SDK1: variants seen among roughly 807,000 people sequenced by gnomAD.
SDK1 encodes sidekick cell adhesion molecule 1, also known as protein sidekick-1.
A neutral mutation model predicts 245.5 loss-of-function variants in SDK1; 157 were observed. The observed-to-expected ratio is 0.64, with a 90% CI of 0.56 to 0.73. The LOEUF (loss-of-function observed/expected upper bound fraction) is 0.73, where lower values mean the gene tolerates loss of function less well. Ranked by LOEUF, SDK1 falls within the 30% of genes least tolerant of loss-of-function variation. The pLI, the probability that SDK1 is intolerant of heterozygous loss-of-function variation, is 0.00. For missense variants in SDK1, 3,583 were observed against 3,002.3 expected (o/e 1.19, Z -4.52); for synonymous variants, 1,647 against 1,278.5 (o/e 1.29, Z -6.15).
chr7:4,233,152 A>C, intron 40 of SDK1, 103 bp from the exon 41 acceptor site: 3 of 1,125,270 alleles, frequency 2.7e-6, no homozygotes, highest in Non-Finnish European at 3.9e-6. Context: ...CTGATGCCTC[A>C]TCCAGGGCTG....
chr7:3,856,581 A>C (rs1363188161), intron 5 of SDK1, among the ~76,000 whole-genome samples: 2 of 151,654 alleles, frequency 1.3e-5, no homozygotes, highest in Admixed American at 1.3e-4. Context: ...ACCTGAGATC[A>C]GGAGTTCAAG....
chr7:3,859,607 A>G (rs534606178), intron 5 of SDK1, among the ~76,000 whole-genome samples: 2 of 152,234 alleles, frequency 1.3e-5, no homozygotes, highest in African/African-American at 4.8e-5. Context: ...ATCCTGTTAC[A>G]TTATCAACAG....
At chr7:3,967,636 G>A (rs978930845) in intron 10 of SDK1, among the ~76,000 whole-genome samples, 1 of 152,244 alleles carries the variant, frequency 6.6e-6, no homozygotes, top group Non-Finnish European at 1.5e-5. Context: ...ATGGTCTCCA[G>A]TGGGGGCTGA....
At chr7:3,489,989 C>T (rs1583939241) in intron 1 of SDK1, among the ~76,000 whole-genome samples, 1 of 151,942 alleles carries the variant, frequency 6.6e-6, no homozygotes, top group East Asian at 1.9e-4. Context: ...TTTTTTTTCC[C>T]CTCGTGCTTA....
rs533141720 is a variant in SDK1, at chr7:4,086,967, C to G, written c.3324+7383C>G. Among the ~76,000 whole-genome samples, 4 of 151,630 alleles carry G rather than the reference C, an allele frequency of 2.6e-5. No individual in the cohort carries two copies. The South Asian group carries it at 8.3e-4, about 32-fold the overall frequency. On this transcript the variant is annotated intron_variant, in intron 22 of 44. Coordinates refer to ENST00000404826, the MANE Select transcript of SDK1 (RefSeq NM_152744.4). ...AAACTTCCCAGACATTGCCAAATCCCTCTTCTGCAGATGGTAACATGTTGC... is the reference window on the plus strand; with the variant it reads ...AAACTTCCCAGACATTGCCAAATCCGTCTTCTGCAGATGGTAACATGTTGC...
At chr7:3,841,282 C>T (rs530751342) in intron 5 of SDK1, among the ~76,000 whole-genome samples, 7 of 152,264 alleles carry the variant, frequency 4.6e-5, no homozygotes, top group African/African-American at 1.4e-4. Context: ...AGGACAACTT[C>T]GCAGCTGTTT....
At chr7:3,504,182 A>ATGTGTGTGTGTGTG (rs56306302) in intron 1 of SDK1, among the ~76,000 whole-genome samples, 3,079 of 131,886 alleles carry the variant, frequency 0.023, 67 homozygotes, top group East Asian at 0.078. Flanking sequence ...ATATATATAT[A>ATGTGTGTGTGTGTG]TGTGTGTGTG....
intron 1 of SDK1, among the ~76,000 whole-genome samples, chr7:3,586,042 G>T (rs1296802741): frequency 6.6e-6 from 1 of 152,150 alleles, no homozygotes; most frequent in Admixed American, 6.5e-5. Context: ...ACATTGCTGT[G>T]CTAAGTAAAG....
chr7:3,307,574 G>A (rs1195851902), intron 1 of SDK1, among the ~76,000 whole-genome samples: 3 of 152,190 alleles, frequency 2.0e-5, no homozygotes, highest in Non-Finnish European at 4.4e-5. Flanking sequence ...TGCAATTCTA[G>A]TGTTTAGGTG....
At chr7:3,545,797 A>G (rs1779207227) in intron 1 of SDK1, among the ~76,000 whole-genome samples, 1 of 152,230 alleles carries the variant, frequency 6.6e-6, no homozygotes, top group African/African-American at 2.4e-5. Flanking sequence ...TGTCAAGCGA[A>G]AGGGTAATCA....
intron 1 of SDK1, among the ~76,000 whole-genome samples, chr7:3,334,481 A>C (rs776026991): frequency 1.3e-5 from 2 of 151,946 alleles, no homozygotes; most frequent in Non-Finnish European, 2.9e-5. Context: ...AGTGTGAGAA[A>C]GCACAGGCAG....
chr7:4,085,668 C>T (rs1781381328), intron 22 of SDK1, among the ~76,000 whole-genome samples: 1 of 152,178 alleles, frequency 6.6e-6, no homozygotes, highest in Non-Finnish European at 1.5e-5. Flanking sequence ...TATTCTCCTG[C>T]CTCAGCCTCC....
At position 4,012,145 on chromosome 7, in the gene SDK1, C is replaced by T; in HGVS notation, c.2330C>T (p.Ala777Val). The T allele has an allele frequency of 6.3e-7, 1 of 1,578,108 alleles. No individual in the cohort carries two copies. The highest frequency in any genetic ancestry group is 8.6e-7 in the Non-Finnish European group (1 of 1,162,478). Residue 777 changes from alanine to valine, a missense_variant, in exon 16 of 45, where the codon GCC becomes GTC. Ala to Val is a moderately conservative substitution (Grantham distance 64). Transcript: ENST00000404826. ...AGTGCTCCCCCGAAAAATATAGTGG[C>T]CAGTGGGCGGACTAATCAGTCCATT... ...PPSAPPKNIV[A>V]SGRTNQSIMV...
chr7:3,969,134 G>C, intron 10 of SDK1, 123 bp from the exon 11 acceptor site: 1 of 854,500 alleles, frequency 1.2e-6, no homozygotes, highest in Non-Finnish European at 1.7e-6. Flanking sequence ...ATTGCAATTC[G>C]AGACGAGACT....
intron 38 of SDK1, among the ~76,000 whole-genome samples, chr7:4,218,702 G>A (rs1053347659): frequency 5.9e-5 from 9 of 152,148 alleles, no homozygotes; most frequent in African/African-American, 9.7e-5. Context: ...GGCTGGGCAG[G>A]TGGACTCAGG....
intron 5 of SDK1, among the ~76,000 whole-genome samples, chr7:3,839,141 G>A (rs1583464994): frequency 1.3e-5 from 2 of 152,118 alleles, no homozygotes; most frequent in African/African-American, 4.8e-5. Flanking sequence ...AACACGCCTG[G>A]GGTCTTCCCT....
intron 5 of SDK1, among the ~76,000 whole-genome samples, chr7:3,897,961 T>C (rs1410582029): frequency 6.6e-6 from 1 of 152,186 alleles, no homozygotes; most frequent in Non-Finnish European, 1.5e-5. Flanking sequence ...TCTGCTCTTA[T>C]TCCATTTCTT....
Position 3,393,587 on chromosome 7 carries a change from C to T in SDK1, c.298+91703C>T, listed in dbSNP as rs911354533. ...ACTGGATTATTCGCAGATCAGAATACTACGTAGCAGTTAAAATGAATGGGC... is the reference window on the plus strand; with the variant it reads ...ACTGGATTATTCGCAGATCAGAATATTACGTAGCAGTTAAAATGAATGGGC... On this transcript the variant is annotated intron_variant, in intron 1 of 44. Transcript: ENST00000404826. Among the ~76,000 whole-genome samples the T allele has an allele frequency of 3.9e-5, 6 of 152,230 alleles. No individual in the cohort carries two copies. In the South Asian group the frequency reaches 1.2e-3, roughly 32 times the overall value.
chr7:3,367,035 C>G (rs893370212), intron 1 of SDK1, among the ~76,000 whole-genome samples: 1 of 152,114 alleles, frequency 6.6e-6, no homozygotes, highest in Admixed American at 6.5e-5. Context: ...CTACCGCGCC[C>G]GGCCTATTGT....
Sources: allele counts gnomAD v4.1 joint callset (sites outside exome capture counted in the v4.1 genomes callset), GRCh38; gene constraint gnomAD v4.1.1; transcripts MANE v1.5; gene names NCBI Gene and HGNC (gene_info 2026-07-23, HGNC 2026-07-21).